INHBA: variants seen among roughly 807,000 people sequenced by gnomAD.
The protein encoded by INHBA is inhibin subunit beta A.
In INHBA, 1 loss-of-function variant was observed where a neutral mutation model predicts 29.0. The observed-to-expected ratio is 0.03, with a 90% CI of 0.01 to 0.16. The LOEUF is 0.16. Among genes scored for constraint, INHBA ranks in the 10% least tolerant of loss-of-function variants. The pLI, the probability that INHBA is intolerant of heterozygous loss-of-function variation, is 1.00. For missense variants in INHBA, 376 were observed against 545.4 expected (o/e 0.69, Z 3.09); for synonymous variants, 242 against 216.8 (o/e 1.12, Z -1.02).
At position 41,689,593 on chromosome 7, in the gene INHBA, T is replaced by G. The variant is rs1794455801; in HGVS notation, c.*57A>C. ...TCAGAAACCTTAAAAATTTCTTCAT[T>G]TTGCCACTGTCTTCTCTGGACAACT... On this transcript the variant is annotated 3_prime_UTR_variant, in exon 3 of 3. Coordinates refer to ENST00000242208, the MANE Select transcript of INHBA (RefSeq NM_002192.4). The G allele has an allele frequency of 4.6e-6, 6 of 1,306,560 alleles. No homozygotes were observed. The highest frequency in any genetic ancestry group is 5.0e-6 in the Non-Finnish European group (5 of 1,009,386). The allele number at this position is 1,306,560 out of a possible 1,614,324, so 80.9% of individuals were successfully genotyped here. A position where few individuals can be genotyped will look rare whatever the true frequency, so the allele number is the denominator to read the frequency against.
At chr7:41,693,090 A>T (rs1176231692) in intron 2 of INHBA, among the ~76,000 whole-genome samples, 1 of 152,196 alleles carries the variant, frequency 6.6e-6, no homozygotes, top group East Asian at 1.9e-4. Flanking sequence ...TCTATGCAGG[A>T]CAGCTTCTGA....
chr7:41,696,289 C>A (rs148907434), intron 2 of INHBA, among the ~76,000 whole-genome samples: 5 of 152,304 alleles, frequency 3.3e-5, no homozygotes, highest in African/African-American at 9.6e-5. Flanking sequence ...GTGAGCAAAT[C>A]AGTATCGCTG....
In INHBA at chr7:41,700,267, C is replaced by G; in HGVS notation, c.108G>C (p.Pro36=). 1 of 1,606,598 alleles carries G rather than the reference C, an allele frequency of 6.2e-7. No individual in the cohort carries two copies. Among genetic ancestry groups the G allele is most frequent in the Non-Finnish European group, 8.5e-7 (1 of 1,175,460 alleles). The part of the protein sequence containing the change: ...SEGHSAAPDC[P]SCALAALPKD... ...TTGGGAGGGCGGCCAGCGCACAGGA[C>G]GGACAGTCGGGGGCCGCGCTGTGCC... Residue 36 remains proline, a synonymous_variant, in exon 2 of 3, where the codon CCG becomes CCC. Transcript: ENST00000242208.
chr7:41,696,742 C>T (rs1352776148), intron 2 of INHBA, among the ~76,000 whole-genome samples: 3 of 152,118 alleles, frequency 2.0e-5, no homozygotes, highest in Non-Finnish European at 2.9e-5. Flanking sequence ...GAGTCAGCTT[C>T]ATTTTGAGAT....
At position 41,693,580 on chromosome 7, in the gene INHBA, C is replaced by T. The variant is rs2237434; in HGVS notation, c.389-3038G>A. On this transcript the variant is annotated intron_variant, in intron 2 of 2. Transcript: ENST00000242208. ...GCATGATCTAGCCCCACCCCTTCTTCACAGGCAGCTGTACTTGGAAGCAAA... is the reference window on the plus strand; with the variant it reads ...GCATGATCTAGCCCCACCCCTTCTTTACAGGCAGCTGTACTTGGAAGCAAA... 1.0e-3 allele frequency among the ~76,000 whole-genome samples: 154 copies of T among 152,266 alleles called. 2 individuals are homozygous for T. The East Asian group carries it at 0.013, about 13-fold the overall frequency.
intron 2 of INHBA, among the ~76,000 whole-genome samples, chr7:41,690,811 T>C (rs1490704110): frequency 6.6e-6 from 1 of 152,146 alleles, no homozygotes; most frequent in African/African-American, 2.4e-5. Flanking sequence ...GTAAATAAAG[T>C]TTTGTTGGAG....
Position 41,689,917 on chromosome 7 carries a change from C to G in INHBA, c.1014G>C (p.Trp338Cys). The G allele has an allele frequency of 6.2e-7, 1 of 1,614,030 alleles. No individual in the cohort carries two copies. The highest frequency in any genetic ancestry group is 8.5e-7 in the Non-Finnish European group (1 of 1,180,030). ...CATGATAGCCAGAGGGAGCAATGAT[C>G]CAGTCATTCCAGCCGATGTCCTTGA... Reference protein sequence around the residue: ...VSFKDIGWNDWIIAPSGYHAN... With the variant: ...VSFKDIGWNDCIIAPSGYHAN... Residue 338 changes from tryptophan (W) to cysteine (C), a missense_variant, in exon 3 of 3, where the codon TGG (tryptophan) becomes TGC (cysteine). Physicochemically the swap from Trp to Cys is radical, Grantham distance 215 (BLOSUM62 -2). Transcript: ENST00000242208.
intron 2 of INHBA, among the ~76,000 whole-genome samples, chr7:41,697,858 A>G (rs1794684315): frequency 1.3e-5 from 2 of 152,220 alleles, no homozygotes; most frequent in African/African-American, 4.8e-5. Flanking sequence ...AAGAGTAGAC[A>G]GTCCATACAG....
At chr7:41,703,917 T>C (rs544361713), upstream of INHBA, among the ~76,000 whole-genome samples, 2 of 152,068 alleles carry the variant, frequency 1.3e-5, no homozygotes, top group Non-Finnish European at 2.9e-5. Context: ...CTCCTTGAAA[T>C]AGGGGTAAAG....
Position 41,700,291 on chromosome 7 carries a change from C to A in INHBA, c.84G>T (p.Gly28=). 6.3e-7 allele frequency: 1 copy of A among 1,585,546 alleles called. No individual in the cohort carries two copies. Among genetic ancestry groups the A allele is most frequent in the East Asian group, 2.2e-5 (1 of 44,488 alleles). ...ACGGACAGTCGGGGGCCGCGCTGTG[C>A]CCCTCGGATCCTGGGGTGGGGGAAC... is the stretch of plus-strand genomic sequence containing the variant. ...VRSSPTPGSE[G]HSAAPDCPSC... is the part of the protein sequence containing the mutation. Residue 28 remains glycine (G), a synonymous_variant, in exon 2 of 3, where the codon GGG becomes GGT. Transcript: ENST00000242208.
intron 2 of INHBA, among the ~76,000 whole-genome samples, chr7:41,698,956 A>G (rs971170241): frequency 1.3e-5 from 2 of 152,358 alleles, no homozygotes; most frequent in South Asian, 2.1e-4. Flanking sequence ...AAAGGATGCA[A>G]TTCTTTAGCC....
Position 41,700,494 on chromosome 7 carries a change from T to C in INHBA, c.-120A>G, listed in dbSNP as rs1489906343. On this transcript the variant is annotated 5_prime_UTR_variant, in exon 2 of 3. Coordinates refer to ENST00000242208, the MANE Select transcript of INHBA (RefSeq NM_002192.4). Reference sequence around the variant, plus strand: ...ATTTTTTTTTTTGGTGTTTTTTTTTTCCTTCTCCTCTTCAGCAAATTCTCT... The same window carrying C: ...ATTTTTTTTTTTGGTGTTTTTTTTTCCCTTCTCCTCTTCAGCAAATTCTCT... 2 of 991,224 alleles carry C rather than the reference T, an allele frequency of 2.0e-6. No individual in the cohort carries two copies. Among genetic ancestry groups the C allele is most frequent in the South Asian group, 2.5e-5 (1 of 39,928 alleles). 61.4% of individuals were successfully genotyped at this position (991,224 alleles called of 1,614,324 possible). A position where few individuals can be genotyped will look rare whatever the true frequency, so the allele number is the denominator to read the frequency against.
chr7:41,702,114 T>C (rs946447701), intron 1 of INHBA, among the ~76,000 whole-genome samples: 2 of 152,196 alleles, frequency 1.3e-5, no homozygotes, highest in African/African-American at 4.8e-5. Context: ...TTTCTGAAGA[T>C]ACACTCAGCT....
upstream of INHBA, among the ~76,000 whole-genome samples, chr7:41,703,303 C>T (rs1159952327): frequency 1.3e-5 from 2 of 152,168 alleles, no homozygotes; most frequent in African/African-American, 4.8e-5. Flanking sequence ...GCCAGTGAAA[C>T]CTCTGGCTAG....
At chr7:41,704,706 T>A (rs930871344), upstream of INHBA, among the ~76,000 whole-genome samples, 1 of 150,316 alleles carries the variant, frequency 6.7e-6, no homozygotes, top group African/African-American at 2.5e-5. Flanking sequence ...CCAGATCAGA[T>A]CCCAGTTCCT....
chr7:41,703,923 T>G (rs556266677), upstream of INHBA, among the ~76,000 whole-genome samples: 1 of 152,130 alleles, frequency 6.6e-6, no homozygotes, highest in Non-Finnish European at 1.5e-5. Flanking sequence ...GAAATAGGGG[T>G]AAAGCTGGTC....
chr7:41,704,656 GT>G (rs1794872738), upstream of INHBA, among the ~76,000 whole-genome samples: 1 of 122,056 alleles, frequency 8.2e-6, no homozygotes, highest in Non-Finnish European at 1.9e-5. Flanking sequence ...GTGTGTGTGT[GT>G]AGGTGACGTG....
rs970940224 is a variant in INHBA at position 41,686,984 on chromosome 7, A to T, written c.*2666T>A. The stretch of plus-strand genomic sequence containing the variant: ...TCCAAGAAATTTTGTAAAGTTGAAC[A>T]TGGCCATCTACTCTTGCCTTAAAAC... On this transcript the variant is annotated 3_prime_UTR_variant, in exon 3 of 3. Coordinates refer to ENST00000242208, the MANE Select transcript of INHBA (RefSeq NM_002192.4). The T allele has an allele frequency of 6.6e-6, 1 of 152,212 alleles. No individual in the cohort carries two copies. The highest frequency in any genetic ancestry group is 2.4e-5 in the African/African-American group (1 of 41,466). 9.4% of individuals were successfully genotyped at this position (152,212 alleles called of 1,614,324 possible).
Position 41,690,550 on chromosome 7 carries a change from T to C in INHBA, c.389-8A>G, listed in dbSNP as rs757356376. On this transcript the variant is annotated splice_region_variant and splice_polypyrimidine_tract_variant and intron_variant, in intron 2 of 2. Coordinates refer to ENST00000242208, the MANE Select transcript of INHBA (RefSeq NM_002192.4). ...GCGTCTTCCTGGCTGTTCCTGAAGA[T>C]GAAAGACAGCATAAGAGAAAACAGG... The C allele has an allele frequency of 1.3e-5, 20 of 1,580,372 alleles. No individual in the cohort carries two copies. Among genetic ancestry groups the C allele is most frequent in the Admixed American group, 7.2e-5 (4 of 55,342 alleles).
Sources: allele counts gnomAD v4.1 joint callset (sites outside exome capture counted in the v4.1 genomes callset), GRCh38; gene constraint gnomAD v4.1.1; transcripts MANE v1.5; gene names NCBI Gene and HGNC (gene_info 2026-07-23, HGNC 2026-07-21).